Variants in PID1 observed in about 807,000 individuals in gnomAD.
PID1 encodes the protein phosphotyrosine interaction domain containing 1.
In PID1, 10 loss-of-function variants were observed where a neutral mutation model predicts 19.1. The observed-to-expected ratio is 0.52, with a 90% CI of 0.32 to 0.89. The LOEUF is 0.89. Among genes scored for constraint, PID1 ranks in the 40% least tolerant of loss-of-function variants. The pLI, the probability that PID1 is intolerant of heterozygous loss-of-function variation, is 0.03. For synonymous variants in PID1, 130 were observed against 116.0 expected (o/e 1.12, Z -0.78); for missense variants, 248 against 285.3 (o/e 0.87, Z 0.94).
At chr2:229,142,052 T>A (rs1690026007) in intron 2 of PID1, among the ~76,000 whole-genome samples, 1 of 152,148 alleles carries the variant, frequency 6.6e-6, no homozygotes, top group South Asian at 2.1e-4. Flanking sequence ...TTATGAAATT[T>A]TTATGACCCC....
At chr2:229,139,166 C>CAA (rs1689960319) in intron 2 of PID1, among the ~76,000 whole-genome samples, 1 of 74,268 alleles carries the variant, frequency 1.3e-5, no homozygotes, top group Non-Finnish European at 3.2e-5. Flanking sequence ...AGCGAGCAAG[C>CAA]GAGCTTCCCT....
chr2:229,201,472 C>T lies in PID1; in HGVS notation c.31-45508G>A, dbSNP rs144363328. On this transcript the variant is annotated intron_variant, in intron 1 of 2. Transcript: ENST00000392055. Reference sequence around the variant, plus strand: ...GTCAGAATTCCCTTCCTGTTTAAGGCTGAAGGGTAGTCCACTGTATGGATT... The same window carrying T: ...GTCAGAATTCCCTTCCTGTTTAAGGTTGAAGGGTAGTCCACTGTATGGATT... Among the ~76,000 whole-genome samples the T allele has an allele frequency of 1.9e-4, 29 of 152,174 alleles. No homozygotes were observed. The East Asian group carries it at 2.7e-3, about 14-fold the overall frequency.
intron 1 of PID1, among the ~76,000 whole-genome samples, chr2:229,185,343 T>C (rs550012993): frequency 7.9e-5 from 12 of 152,190 alleles, no homozygotes; most frequent in Admixed American, 5.2e-4. Flanking sequence ...CTCCTATGGA[T>C]GGCCAATTGG....
intron 2 of PID1, among the ~76,000 whole-genome samples, chr2:229,124,617 T>G (rs574609318): frequency 6.6e-6 from 1 of 152,160 alleles, no homozygotes; most frequent in Non-Finnish European, 1.5e-5. Flanking sequence ...TGGGATTCAG[T>G]AACAATGTTT....
intron 2 of PID1, among the ~76,000 whole-genome samples, chr2:229,029,076 G>C (rs2765934): frequency 4.6e-5 from 7 of 151,926 alleles, no homozygotes; most frequent in Non-Finnish European, 1.0e-4. Context: ...ACCACCAGGA[G>C]GGGGAGGGTT....
intron 1 of PID1, among the ~76,000 whole-genome samples, chr2:229,211,041 C>T (rs774799720): frequency 3.9e-5 from 6 of 152,044 alleles, no homozygotes; most frequent in African/African-American, 9.7e-5. Context: ...TGCCTTACAA[C>T]GAAGAAATAT....
At chr2:229,245,392 G>A (rs553266334) in intron 1 of PID1, among the ~76,000 whole-genome samples, 2 of 152,184 alleles carry the variant, frequency 1.3e-5, no homozygotes, top group South Asian at 2.1e-4. Flanking sequence ...AGTGAAAAAG[G>A]CAACTTGTAT....
chr2:229,263,238 T>C (rs1427452043), intron 1 of PID1, among the ~76,000 whole-genome samples: 1 of 152,202 alleles, frequency 6.6e-6, no homozygotes, highest in Non-Finnish European at 1.5e-5. Context: ...TAGGTTCAGG[T>C]GCTGCTTACT....
chr2:229,091,862 C>G (rs1183748908), intron 2 of PID1, among the ~76,000 whole-genome samples: 2 of 152,212 alleles, frequency 1.3e-5, no homozygotes, highest in African/African-American at 4.8e-5. Context: ...GGATTTTTCA[C>G]TGCCATCTGT....
chr2:229,250,701 C>T (rs1574758588), intron 1 of PID1, among the ~76,000 whole-genome samples: 2 of 152,338 alleles, frequency 1.3e-5, no homozygotes, highest in East Asian at 3.9e-4. Flanking sequence ...GCACATGTCA[C>T]AGTTCTCATC....
rs543492265 is a variant in PID1, at chr2:229,096,993, G to C, written c.177+58825C>G. 3.9e-5 allele frequency among the ~76,000 whole-genome samples: 6 copies of C among 152,276 alleles called. No homozygotes were observed. The South Asian group carries it at 1.2e-3, about 32-fold the overall frequency. On this transcript the variant is annotated intron_variant, in intron 2 of 2. Transcript: ENST00000392055. ...CACTGGGAAGTCAGCTGTGAAAATA[G>C]CTTGTTAATGTCACCCTGAGTTTGA...
intron 1 of PID1, among the ~76,000 whole-genome samples, chr2:229,176,073 C>T (rs1297229241): frequency 6.6e-6 from 1 of 151,848 alleles, no homozygotes; most frequent in Non-Finnish European, 1.5e-5. Context: ...TGTAGAACAA[C>T]TTTATATTTC....
intron 1 of PID1, among the ~76,000 whole-genome samples, chr2:229,157,613 T>C (rs1690401978): frequency 6.6e-6 from 1 of 152,164 alleles, no homozygotes; most frequent in Non-Finnish European, 1.5e-5. Flanking sequence ...TCTGTTCAAC[T>C]CTTAACATGT....
chr2:229,249,391 C>T (rs1417279402), intron 1 of PID1, among the ~76,000 whole-genome samples: 3 of 152,126 alleles, frequency 2.0e-5, no homozygotes, highest in Non-Finnish European at 4.4e-5. Context: ...CTATCTCTTA[C>T]CTTTCCATCC....
At chr2:229,229,078 C>T (rs1033815029) in intron 1 of PID1, among the ~76,000 whole-genome samples, 9 of 152,206 alleles carry the variant, frequency 5.9e-5, no homozygotes, top group African/African-American at 2.2e-4. Context: ...CCAATGTCAT[C>T]TAGGACAGCT....
chr2:229,110,824 C>G (rs570061957), intron 2 of PID1, among the ~76,000 whole-genome samples: 1 of 152,140 alleles, frequency 6.6e-6, no homozygotes, highest in South Asian at 2.1e-4. Flanking sequence ...CTCTTCTGCA[C>G]GTCCTGTGCT....
rs1342150141 is a variant in PID1, at chr2:229,025,971, G to C, written c.315C>G (p.Ile105Met). ...GATGGAGCCAAACTTGGAATGGCCG[G>C]ATTTCCAGGAGGGCATTGGCCGGAA... ...DVFPANALLE[I>M]RPFQVWLHHL... Residue 105 changes from isoleucine (I) to methionine (M), a missense_variant, in exon 3 of 3, where the codon ATC (isoleucine) becomes ATG (methionine). By Grantham distance (10) the Ile-to-Met change is conservative (BLOSUM62 1). Coordinates refer to ENST00000392055, the MANE Select transcript of PID1 (RefSeq NM_001100818.2). 2 of 1,614,208 alleles carry C rather than the reference G, an allele frequency of 1.2e-6. No homozygotes were observed. Among genetic ancestry groups the C allele is most frequent in the South Asian group, 2.2e-5 (2 of 91,084 alleles).
chr2:229,182,414 T>TAA (rs34627534), intron 1 of PID1, among the ~76,000 whole-genome samples: 1 of 151,766 alleles, frequency 6.6e-6, no homozygotes, highest in South Asian at 2.1e-4. Flanking sequence ...TTTAAAGTAT[T>TAA]AAAAAAAAGC....
At chr2:229,073,809 C>T (rs898638186) in intron 2 of PID1, among the ~76,000 whole-genome samples, 1 of 152,148 alleles carries the variant, frequency 6.6e-6, no homozygotes, top group African/African-American at 2.4e-5. Context: ...TTTAGGTTCT[C>T]AAAGATTTTG....
Sources: gnomAD v4.1 joint callset for allele counts (sites outside exome capture counted in the v4.1 genomes callset) on GRCh38, gnomAD v4.1.1 for gene constraint, MANE v1.5 for transcripts, NCBI Gene and HGNC (gene_info 2026-07-23, HGNC 2026-07-21) for gene names.